BCL2: variants seen among roughly 807,000 people sequenced by gnomAD.
BCL2 encodes BCL2 apoptosis regulator.
Under a neutral mutation model 14.2 loss-of-function variants are expected in BCL2, and 1 was observed. That is an observed-to-expected ratio of 0.07 (90% CI 0.02 to 0.33). BCL2 has a LOEUF of 0.33. Among genes scored for constraint, BCL2 ranks in the 10% least tolerant of loss-of-function variants. The probability of loss-of-function intolerance (pLI) is 0.99; values close to 1 mark genes in which losing one functional copy is unlikely to be tolerated. For missense variants in BCL2, 247 were observed against 305.9 expected, an observed-to-expected ratio of 0.81 and a Z score of 1.44; for synonymous variants, 151 against 137.2, an observed-to-expected ratio of 1.10 and a Z score of -0.70.
chr18:63,176,793 G>T (rs1915360110), intron 2 of BCL2, among the ~76,000 whole-genome samples: 1 of 152,064 alleles, frequency 6.6e-6, no homozygotes, highest in Admixed American at 6.5e-5. Flanking sequence ...GCTAACTATA[G>T]CCAACTTACT....
At chr18:63,256,396 T>C (rs1911477080) in intron 2 of BCL2, among the ~76,000 whole-genome samples, 1 of 152,156 alleles carries the variant, frequency 6.6e-6, no homozygotes. Context: ...TTTGTGTTTT[T>C]AGTACAGACG....
intron 2 of BCL2, among the ~76,000 whole-genome samples, chr18:63,139,773 C>G (rs1332869682): frequency 1.3e-5 from 2 of 152,162 alleles, no homozygotes; most frequent in Non-Finnish European, 2.9e-5. Flanking sequence ...CTTCTTTTGG[C>G]TAGAGCTTCC....
At chr18:63,306,053 C>A (rs1233115065) in intron 2 of BCL2, among the ~76,000 whole-genome samples, 1 of 152,106 alleles carries the variant, frequency 6.6e-6, no homozygotes, top group African/African-American at 2.4e-5. Flanking sequence ...CCAGCCTGGG[C>A]AACAGAGCAA....
At chr18:63,256,787 T>C (rs565191805) in intron 2 of BCL2, among the ~76,000 whole-genome samples, 1 of 152,250 alleles carries the variant, frequency 6.6e-6, no homozygotes, top group South Asian at 2.1e-4. Flanking sequence ...CTGCACATCT[T>C]CCATACCAGG....
intron 2 of BCL2, among the ~76,000 whole-genome samples, chr18:63,140,236 T>C (rs563135324): frequency 6.6e-6 from 1 of 152,352 alleles, no homozygotes; most frequent in Admixed American, 6.5e-5. Context: ...GGAAAACAGT[T>C]TGCTGATTCC....
At chr18:63,202,666 C>T (rs1909729403) in intron 2 of BCL2, among the ~76,000 whole-genome samples, 1 of 152,140 alleles carries the variant, frequency 6.6e-6, no homozygotes, top group African/African-American at 2.4e-5. Flanking sequence ...CCATCATAGG[C>T]TACTTTGATT....
intron 2 of BCL2, among the ~76,000 whole-genome samples, chr18:63,292,185 A>T (rs531343031): frequency 1.5e-4 from 22 of 149,316 alleles, no homozygotes; most frequent in African/African-American, 5.5e-4. Context: ...TACTGGAAGG[A>T]TTCATCACAA....
At chr18:63,154,194 T>C (rs987752091) in intron 2 of BCL2, among the ~76,000 whole-genome samples, 1 of 152,118 alleles carries the variant, frequency 6.6e-6, no homozygotes, top group Non-Finnish European at 1.5e-5. Flanking sequence ...CTCCCTCTTC[T>C]TTTCCTATGG....
chr18:63,246,256 A>G (rs1375854239), intron 2 of BCL2, among the ~76,000 whole-genome samples: 1 of 152,102 alleles, frequency 6.6e-6, no homozygotes, highest in East Asian at 1.9e-4. Context: ...TCTGTCTCCA[A>G]GTTTTTCCTC....
intron 2 of BCL2, among the ~76,000 whole-genome samples, chr18:63,197,421 A>G (rs1195512244): frequency 6.6e-6 from 1 of 152,198 alleles, no homozygotes; most frequent in African/African-American, 2.4e-5. Context: ...CATGGTGGCT[A>G]TTTCTGGTGT....
chr18:63,192,939 G>A lies in BCL2; in HGVS notation c.586-64180C>T, dbSNP rs184074542. Among the ~76,000 whole-genome samples the A allele has an allele frequency of 1.9e-3, 294 of 152,296 alleles. 5 individuals are homozygous for A. Among genetic ancestry groups the A allele is most frequent in the Non-Finnish European group, 4.4e-4 (30 of 68,034 alleles). On this transcript the variant is annotated intron_variant, in intron 2 of 2. Coordinates refer to ENST00000333681, the MANE Select transcript of BCL2 (RefSeq NM_000633.3). ...TGAATGCGTTTCATCAAGGAAACAA[G>A]GGTAATCAATTCTACAGCCATACTT...
At chr18:63,289,779 A>G (rs1400584155) in intron 2 of BCL2, among the ~76,000 whole-genome samples, 1 of 152,100 alleles carries the variant, frequency 6.6e-6, no homozygotes, top group Non-Finnish European at 1.5e-5. Context: ...CTGTAATCCT[A>G]GCTACTTGAA....
At chr18:63,291,218 C>T (rs1428780576) in intron 2 of BCL2, among the ~76,000 whole-genome samples, 1 of 152,212 alleles carries the variant, frequency 6.6e-6, no homozygotes, top group Non-Finnish European at 1.5e-5. Context: ...TTAGTAGATG[C>T]TGATTTTCTT....
intron 2 of BCL2, among the ~76,000 whole-genome samples, chr18:63,212,643 C>CTG (rs1910067664): frequency 1.3e-5 from 2 of 151,796 alleles, no homozygotes; most frequent in African/African-American, 2.4e-5. Flanking sequence ...TTGGGAGATC[C>CTG]AGGCGGGCGG....
chr18:63,289,375 C>T (rs184469077), intron 2 of BCL2, among the ~76,000 whole-genome samples: 8 of 152,014 alleles, frequency 5.3e-5, no homozygotes, highest in African/African-American at 9.7e-5. Flanking sequence ...CAGATCTGGG[C>T]CTTAAGGGAT....
At chr18:63,295,998 C>A (rs1441516593) in intron 2 of BCL2, among the ~76,000 whole-genome samples, 1 of 152,162 alleles carries the variant, frequency 6.6e-6, no homozygotes, top group East Asian at 1.9e-4. Context: ...CCTGCCCTTC[C>A]CCAATGGGCC....
intron 2 of BCL2, among the ~76,000 whole-genome samples, chr18:63,162,586 T>G (rs1914948132): frequency 6.6e-6 from 1 of 152,074 alleles, no homozygotes; most frequent in Admixed American, 6.5e-5. Context: ...CTTTCTCACT[T>G]CCTATTTTCT....
At chr18:63,145,424 C>T (rs1201995318) in intron 2 of BCL2, among the ~76,000 whole-genome samples, 2 of 150,604 alleles carry the variant, frequency 1.3e-5, no homozygotes, top group African/African-American at 5.0e-5. Flanking sequence ...GGGCCGCTCG[C>T]CCCACTGCCC....
chr18:63,313,231 G>A (rs1913391909), intron 2 of BCL2, among the ~76,000 whole-genome samples: 1 of 152,194 alleles, frequency 6.6e-6, no homozygotes, highest in African/African-American at 2.4e-5. Context: ...TCTCCTTGCC[G>A]TGCCTCCAAC....
Sources: gnomAD v4.1 joint callset for allele counts (sites outside exome capture counted in the v4.1 genomes callset) on GRCh38, gnomAD v4.1.1 for gene constraint, MANE v1.5 for transcripts, NCBI Gene and HGNC (gene_info 2026-07-23, HGNC 2026-07-21) for gene names.